Variants in EXOC6 observed in about 807,000 individuals in gnomAD.
EXOC6 encodes SEC15-like 1.
A neutral mutation model predicts 112.5 loss-of-function variants in EXOC6; 60 were observed. That is an observed-to-expected ratio of 0.53 (90% CI 0.43 to 0.66). EXOC6 has a LOEUF of 0.66. EXOC6 is among the 30% of genes least tolerant of loss of function. The pLI is 0.00. For synonymous variants in EXOC6, 295 were observed against 308.0 expected (o/e 0.96, Z 0.44); for missense variants, 855 against 957.1 (o/e 0.89, Z 1.41).
At chr10:92,966,358 A>T (rs1842052901) in intron 17 of EXOC6, among the ~76,000 whole-genome samples, 1 of 148,834 alleles carries the variant, frequency 6.7e-6, no homozygotes, top group Non-Finnish European at 1.5e-5. Context: ...ACATATGTAT[A>T]CATGTGCCAT....
chr10:92,863,960 A>C lies in EXOC6; in HGVS notation c.101+15326A>C, dbSNP rs144137160. 1.4e-3 allele frequency among the ~76,000 whole-genome samples: 217 copies of C among 151,738 alleles called. 2 individuals carry two copies. The East Asian group carries it at 0.025, about 17-fold the overall frequency. On this transcript the variant is annotated intron_variant, in intron 1 of 21. Transcript: ENST00000260762. The stretch of plus-strand genomic sequence containing the variant: ...AAAAAACAAAAAAAAAAGAAAAAAA[A>C]CCCAAAAAATTAGCTCGGCATGGTG...
intron 4 of EXOC6, among the ~76,000 whole-genome samples, chr10:92,895,859 C>CT (rs34229333): frequency 0.018 from 2,206 of 122,160 alleles, 24 homozygotes; most frequent in African/African-American, 0.028. Context: ...CACACCCGGC[C>CT]TTTTTTTTTT....
At chr10:93,010,458 C>T (rs1022612851) in intron 19 of EXOC6, among the ~76,000 whole-genome samples, 1 of 152,100 alleles carries the variant, frequency 6.6e-6, no homozygotes, top group Non-Finnish European at 1.5e-5. Context: ...AATCACAGCA[C>T]TTTGGGAGAC....
intron 8 of EXOC6, among the ~76,000 whole-genome samples, chr10:92,922,427 C>A (rs1851497979): frequency 6.6e-6 from 1 of 152,024 alleles, no homozygotes; most frequent in South Asian, 2.1e-4. Flanking sequence ...AATAAAAGTG[C>A]TTGGTATAGG....
At chr10:93,035,557 G>A (rs1034730067) in intron 20 of EXOC6, among the ~76,000 whole-genome samples, 30 of 152,194 alleles carry the variant, frequency 2.0e-4, no homozygotes, top group African/African-American at 5.5e-4. Flanking sequence ...AGTATTTGTC[G>A]AAACCAGGAA....
chr10:92,828,661 C>A (rs1397174875), intron 1 of EXOC6, among the ~76,000 whole-genome samples: 2 of 124,802 alleles, frequency 1.6e-5, no homozygotes, highest in South Asian at 5.1e-4. Flanking sequence ...TAATAGACTT[C>A]TATTTCTAGG....
chr10:92,974,357 A>G, intron 18 of EXOC6, 125 bp downstream of exon 18: 1 of 535,826 alleles, frequency 1.9e-6, no homozygotes, highest in Non-Finnish European at 3.1e-6. Flanking sequence ...CCATTATTAT[A>G]AATCCATTTG....
chr10:92,896,879 C>T (rs577833523), intron 4 of EXOC6, among the ~76,000 whole-genome samples: 2 of 152,158 alleles, frequency 1.3e-5, no homozygotes, highest in South Asian at 4.2e-4. Context: ...GTGAGAATAG[C>T]TTTTCTTTTT....
chr10:93,058,276 A>G lies in EXOC6; in HGVS notation c.2336A>G (p.Asp779Gly). ...ATATTTGCTCAGTTCAGGAAGAATG[A>G]TCGAGACAAACAGAAGTTGATAGAG... The part of the protein sequence containing the change: ...NNIFAQFRKN[D>G]RDKQKLIETV... Residue 779 changes from aspartate to glycine, a missense_variant, in exon 22 of 22, where the codon GAT becomes GGT. By Grantham distance (94) the Asp-to-Gly change is moderately conservative (BLOSUM62 -1). This residue lies in a region of EXOC6 where 450 missense variants were observed against 563.5 expected (regional missense o/e 0.80). Coordinates refer to ENST00000260762, the MANE Select transcript of EXOC6 (RefSeq NM_019053.6). 1 of 1,611,912 alleles carries G rather than the reference A, an allele frequency of 6.2e-7. No homozygotes were observed.
intron 17 of EXOC6, among the ~76,000 whole-genome samples, chr10:92,972,070 A>G (rs968023243): frequency 2.0e-5 from 3 of 152,186 alleles, no homozygotes; most frequent in Non-Finnish European, 4.4e-5. Flanking sequence ...GTGATTGGAT[A>G]CAGATCTGCT....
intron 20 of EXOC6, among the ~76,000 whole-genome samples, chr10:93,046,830 T>G (rs2486682): frequency 0.13 from 19,632 of 152,040 alleles, 1,415 homozygotes; most frequent in African/African-American, 0.18. Flanking sequence ...ACTCCTGACC[T>G]CAGGTGGTCC....
intron 1 of EXOC6, among the ~76,000 whole-genome samples, chr10:92,860,851 A>G (rs191988292): frequency 6.6e-6 from 1 of 150,772 alleles, no homozygotes; most frequent in Admixed American, 6.6e-5. Context: ...TTTATCTGTC[A>G]TTTATCAGTG....
At chr10:92,927,648 G>T (rs1011388634) in intron 8 of EXOC6, among the ~76,000 whole-genome samples, 1 of 152,178 alleles carries the variant, frequency 6.6e-6, no homozygotes, top group Non-Finnish European at 1.5e-5. Flanking sequence ...CATCATCACA[G>T]GGAGTTCCAT....
chr10:92,971,915 T>C (rs747688318), intron 17 of EXOC6, among the ~76,000 whole-genome samples: 1 of 152,230 alleles, frequency 6.6e-6, no homozygotes, highest in Non-Finnish European at 1.5e-5. Context: ...ATGACAACTT[T>C]GGAAGTTCTC....
intron 2 of EXOC6, among the ~76,000 whole-genome samples, chr10:92,893,830 A>G (rs1185369951): frequency 6.6e-6 from 1 of 152,214 alleles, no homozygotes; most frequent in Non-Finnish European, 1.5e-5. Context: ...GACAGTTAGT[A>G]CAATATTTAT....
intron 1 of EXOC6, among the ~76,000 whole-genome samples, chr10:92,862,325 T>G (rs1489852440): frequency 7.9e-6 from 1 of 126,050 alleles, no homozygotes; most frequent in East Asian, 2.0e-4. Context: ...TGTCTGAAGT[T>G]TCATGCCCCC....
chr10:92,834,631 T>G (rs1846603113), upstream of EXOC6: 1 of 868,116 alleles, frequency 1.2e-6, no homozygotes, highest in Non-Finnish European at 1.7e-6. Flanking sequence ...GAACAGAGAA[T>G]CCTTCTAATA....
chr10:93,038,065 A>AAAT lies in EXOC6; in HGVS notation c.2170-18858_2170-18857insATA, dbSNP rs1316311788. ...CAAAAAAAAAAAAAAAAAAAAAAAA[A>AAAT]ATTTTTCTCTAATAAATTTTTTTTG... On this transcript the variant is annotated intron_variant, in intron 20 of 21. Transcript: ENST00000260762. Among the ~76,000 whole-genome samples, 275 of 126,116 alleles carry AAAT rather than the reference A, an allele frequency of 2.2e-3. 35 individuals are homozygous for AAAT. Among genetic ancestry groups the AAAT allele is most frequent in the African/African-American group, 4.9e-3 (146 of 30,076 alleles). 82.7% of individuals were successfully genotyped at this position (126,116 alleles called of 152,430 possible). A position where few individuals can be genotyped will look rare whatever the true frequency, so the allele number is the denominator to read the frequency against.
intron 4 of EXOC6, among the ~76,000 whole-genome samples, chr10:92,899,242 A>G (rs891344363): frequency 6.6e-6 from 1 of 152,194 alleles, no homozygotes; most frequent in Non-Finnish European, 1.5e-5. Flanking sequence ...ACTAAAGTCT[A>G]AAGTTCCAGT....
Sources: gnomAD v4.1 joint callset for allele counts (sites outside exome capture counted in the v4.1 genomes callset) on GRCh38, gnomAD v4.1.1 for gene constraint, gnomAD v4.1.1 regional missense constraint, MANE v1.5 for transcripts, NCBI Gene and HGNC (gene_info 2026-07-23, HGNC 2026-07-21) for gene names.